CFAP57: variants seen among roughly 807,000 people sequenced by gnomAD.
CFAP57 encodes cilia and flagella associated protein 57.
In CFAP57, 116 loss-of-function variants were observed where a neutral mutation model predicts 146.8. The observed-to-expected ratio is 0.79, with a 90% confidence interval of 0.68 to 0.92. The LOEUF (loss-of-function observed/expected upper bound fraction) is 0.92, where lower values mean the gene tolerates loss of function less well. CFAP57 is among the 40% of genes least tolerant of loss of function. CFAP57 has a pLI of 0.00. For missense variants in CFAP57, 1,377 were observed against 1,527.2 expected (o/e 0.90, Z 1.64); for synonymous variants, 518 against 552.8 (o/e 0.94, Z 0.88).
intron 17 of CFAP57, among the ~76,000 whole-genome samples, chr1:43,225,221 C>T (rs896401569): frequency 1.3e-5 from 2 of 152,180 alleles, no homozygotes; most frequent in African/African-American, 4.8e-5. Context: ...CATCTCCCAC[C>T]ACCATGGACT....
At chr1:43,251,208 A>G (rs1446180142) in intron 22 of CFAP57, among the ~76,000 whole-genome samples, 1 of 152,258 alleles carries the variant, frequency 6.6e-6, no homozygotes, top group Non-Finnish European at 1.5e-5. Flanking sequence ...CTTGCAGCAT[A>G]GAAAGCCAAT....
intron 21 of CFAP57, among the ~76,000 whole-genome samples, chr1:43,237,018 C>T (rs1242304333): frequency 6.6e-6 from 1 of 151,984 alleles, no homozygotes; most frequent in Non-Finnish European, 1.5e-5. Flanking sequence ...ACAGGATGGG[C>T]CACGGGTGCC....
intron 2 of CFAP57, among the ~76,000 whole-genome samples, chr1:43,175,329 TATAC>T (rs1212074638): frequency 6.6e-6 from 1 of 151,800 alleles, no homozygotes; most frequent in Non-Finnish European, 1.5e-5. Flanking sequence ...ACATAGTATA[TATAC>T]ATACATATAG....
At position 43,181,696 on chromosome 1, in the gene CFAP57, T is replaced by G. The variant is rs1368634282; in HGVS notation, c.320T>G (p.Val107Gly). 6.2e-7 allele frequency: 1 copy of G among 1,614,178 alleles called. No individual in the cohort carries two copies. The highest frequency in any genetic ancestry group is 8.5e-7 in the Non-Finnish European group (1 of 1,180,042). ...RKVLNNFDFQ[V>G]QKFISMAFSP... The stretch of plus-strand genomic sequence containing the variant: ...GTTCTTAATAATTTTGACTTCCAAG[T>G]TCAGAAATTTATTAGCATGGCTTTT... The change falls in exon 3 of 23, where the codon GTT (valine) becomes GGT (glycine). Residue 107 changes from valine (V) to glycine (G), a missense_variant. Transcript: ENST00000372492.
intron 12 of CFAP57, among the ~76,000 whole-genome samples, chr1:43,216,647 T>C (rs534815136): frequency 1.3e-5 from 2 of 152,270 alleles, no homozygotes; most frequent in East Asian, 3.9e-4. Flanking sequence ...CCTTCTGTCT[T>C]ACCATCCTTG....
intron 6 of CFAP57, among the ~76,000 whole-genome samples, chr1:43,190,361 A>C (rs4498843): frequency 0.18 from 26,509 of 144,320 alleles, 3,572 homozygotes; most frequent in African/African-American, 0.36. Context: ...AGCTCCACCT[A>C]CCGGGTTCAT....
In CFAP57 at chr1:43,209,825, C is replaced by T. The variant is rs1284933313; in HGVS notation, c.1838C>T (p.Thr613Ile). Residue 613 changes from threonine (T) to isoleucine (I), a missense_variant, in exon 11 of 23, where the codon ACC becomes ATC. By Grantham distance (89) the Thr-to-Ile change is moderately conservative. Transcript: ENST00000372492. ...SHSGRMMFVG[T>I]SVGTIRAMKY... ...TCTGGACGCATGATGTTTGTGGGCA[C>T]CTCGGTGGGAACCATTCGTGCCATG... 5.0e-6 allele frequency: 8 copies of T among 1,614,174 alleles called. No individual in the cohort carries two copies. Among genetic ancestry groups the T allele is most frequent in the Non-Finnish European group, 6.8e-6 (8 of 1,180,040 alleles).
chr1:43,172,888 G>C lies in CFAP57; in HGVS notation c.135G>C (p.Gln45His), dbSNP rs1367523123. Residue 45 changes from glutamine (Q) to histidine (H), a missense_variant, in exon 2 of 23, where the codon CAG becomes CAC. By Grantham distance (24) the Gln-to-His change is conservative. Transcript: ENST00000372492. ...GNHCVKYNVD[Q>H]KWQKFIPGSE... Reference sequence around the variant, plus strand: ...ACTGTGTGAAGTACAATGTGGATCAGAAATGGCAAAAATTCATTCCAGGTA... The same window carrying C: ...ACTGTGTGAAGTACAATGTGGATCACAAATGGCAAAAATTCATTCCAGGTA... 2 of 1,614,046 alleles carry C rather than the reference G, an allele frequency of 1.2e-6. No homozygotes were observed.
At chr1:43,244,916 CA>C (rs1402571218) in intron 22 of CFAP57, among the ~76,000 whole-genome samples, 1 of 151,814 alleles carries the variant, frequency 6.6e-6, no homozygotes, top group Non-Finnish European at 1.5e-5. Flanking sequence ...AAACAAAAAA[CA>C]AAAAAACAAA....
chr1:43,206,975 T>C (rs756672642), intron 10 of CFAP57, 43 bp downstream of exon 10: 1 of 1,593,938 alleles, frequency 6.3e-7, no homozygotes, highest in South Asian at 1.1e-5. Context: ...TGCACGGATC[T>C]GCAGGGACAG....
intron 22 of CFAP57, among the ~76,000 whole-genome samples, chr1:43,243,965 A>G (rs1646021937): frequency 6.6e-6 from 1 of 152,254 alleles, no homozygotes; most frequent in South Asian, 2.1e-4. Flanking sequence ...GATCGTTTAT[A>G]TCATGCTCAT....
chr1:43,212,270 G>T (rs899556225), intron 11 of CFAP57, among the ~76,000 whole-genome samples: 1 of 152,150 alleles, frequency 6.6e-6, no homozygotes, highest in African/African-American at 2.4e-5. Flanking sequence ...ATCTCCATCT[G>T]CCCTTCAGAG....
intron 2 of CFAP57, among the ~76,000 whole-genome samples, chr1:43,179,248 C>T (rs985082572): frequency 6.6e-6 from 1 of 151,624 alleles, no homozygotes; most frequent in Admixed American, 6.6e-5. Flanking sequence ...CAAACCTGTA[C>T]ATTGTGCACA....
Position 43,234,753 on chromosome 1 carries a change from C to CCAGT in CFAP57, c.3405+116_3405+119dup. On this transcript the variant is annotated intron_variant, in intron 21 of 22. Coordinates refer to ENST00000372492, the MANE Select transcript of CFAP57 (RefSeq NM_001378189.1). ...CAGGGCTCCCCAGGTGTCTGGGGGC[C>CCAGT]CAGTAGCTCCCCCTAAAGTCTTATT... is the stretch of plus-strand genomic sequence containing the variant. 5 of 1,271,706 alleles carry CCAGT rather than the reference C, an allele frequency of 3.9e-6. No individual in the cohort carries two copies. The East Asian group carries it at 1.1e-4, about 27-fold the overall frequency. 78.8% of individuals were successfully genotyped at this position (1,271,706 alleles called of 1,614,324 possible).
rs147440947 is a variant in CFAP57 at position 43,251,445 on chromosome 1, A to G, written c.3539-2532A>G. Among the ~76,000 whole-genome samples, 825 of 152,360 alleles carry G rather than the reference A, an allele frequency of 5.4e-3. 10 individuals carry two copies. Among genetic ancestry groups the G allele is most frequent in the African/African-American group, 0.019 (787 of 41,584 alleles). On this transcript the variant is annotated intron_variant, in intron 22 of 22. Transcript: ENST00000372492. Reference sequence around the variant, plus strand: ...TCAGTTCTTTGACATTTCCTTTTTAAGGAGCCTGAAGGTCCTTTCCTGAAG... The same window carrying G: ...TCAGTTCTTTGACATTTCCTTTTTAGGGAGCCTGAAGGTCCTTTCCTGAAG...
chr1:43,254,354 C>A lies in CFAP57; in HGVS notation c.*163C>A. Reference sequence around the variant, plus strand: ...TGGGACACAGAATAAAGGTGTTTGCCCACACCTTGTCTAACTTCTGCTTAG... The same window carrying A: ...TGGGACACAGAATAAAGGTGTTTGCACACACCTTGTCTAACTTCTGCTTAG... On this transcript the variant is annotated 3_prime_UTR_variant, in exon 23 of 23. Coordinates refer to ENST00000372492, the MANE Select transcript of CFAP57 (RefSeq NM_001378189.1). 1.6e-6 allele frequency: 1 copy of A among 627,656 alleles called. No individual in the cohort carries two copies. Among genetic ancestry groups the A allele is most frequent in the Non-Finnish European group, 2.7e-6 (1 of 375,022 alleles). The allele number at this position is 627,656 out of a possible 1,614,324, so 38.9% of individuals were successfully genotyped here.
At chr1:43,204,701 C>T (rs993809151) in intron 9 of CFAP57, among the ~76,000 whole-genome samples, 2 of 152,120 alleles carry the variant, frequency 1.3e-5, no homozygotes, top group Non-Finnish European at 2.9e-5. Context: ...CCCCCTTAGA[C>T]AATTAGGTTT....
intron 18 of CFAP57, among the ~76,000 whole-genome samples, chr1:43,228,515 C>T (rs1432805375): frequency 1.3e-5 from 2 of 148,886 alleles, no homozygotes; most frequent in Non-Finnish European, 3.0e-5. Flanking sequence ...TGCCAGTCTG[C>T]CCGGTGACGC....
chr1:43,248,154 A>C (rs1349834150), intron 22 of CFAP57, among the ~76,000 whole-genome samples: 2 of 151,188 alleles, frequency 1.3e-5, no homozygotes, highest in East Asian at 1.9e-4. Context: ...AAAAAAAAAA[A>C]AAAAAACAGT....
Sources: allele counts gnomAD v4.1 joint callset (sites outside exome capture counted in the v4.1 genomes callset), GRCh38; gene constraint gnomAD v4.1.1; transcripts MANE v1.5; gene names NCBI Gene and HGNC (gene_info 2026-07-23, HGNC 2026-07-21).